Variants in ZFAND3 observed in about 807,000 individuals in gnomAD.
ZFAND3 encodes the protein zinc finger AN1-type containing 3.
Under a neutral mutation model 29.6 loss-of-function variants are expected in ZFAND3, and 10 were observed. The observed-to-expected ratio is 0.34, with a 90% CI of 0.21 to 0.57. The LOEUF (loss-of-function observed/expected upper bound fraction) is 0.57, where lower values mean the gene tolerates loss of function less well. ZFAND3 is among the 20% of genes least tolerant of loss of function. The pLI, the probability that ZFAND3 is intolerant of heterozygous loss-of-function variation, is 0.86. For missense variants in ZFAND3, 230 were observed against 304.5 expected (o/e 0.76, Z 1.82); for synonymous variants, 128 against 112.6 (o/e 1.14, Z -0.87).
At chr6:37,975,222 A>G (rs954749721) in intron 2 of ZFAND3, among the ~76,000 whole-genome samples, 1 of 152,124 alleles carries the variant, frequency 6.6e-6, no homozygotes, top group Non-Finnish European at 1.5e-5. Context: ...TACAATTTGC[A>G]TTTCTCTAAT....
chr6:38,139,832 T>C (rs6941852), intron 5 of ZFAND3, among the ~76,000 whole-genome samples: 4,939 of 152,104 alleles, frequency 0.032, 217 homozygotes, highest in African/African-American at 0.095. Context: ...CTGGCTGCTC[T>C]GAGGAAGGTG....
chr6:37,860,351 A>G (rs1431038890), intron 1 of ZFAND3, among the ~76,000 whole-genome samples: 2 of 152,104 alleles, frequency 1.3e-5, no homozygotes, highest in Non-Finnish European at 1.5e-5. Context: ...AGTTTGACTT[A>G]AAAAGAAATT....
intron 1 of ZFAND3, among the ~76,000 whole-genome samples, chr6:37,908,408 T>C (rs1213664843): frequency 5.9e-5 from 9 of 151,914 alleles, no homozygotes; most frequent in Admixed American, 2.6e-4. Context: ...TCTCCCCTTG[T>C]GTAGAAAAGT....
At chr6:38,085,229 C>T (rs560703224) in intron 4 of ZFAND3, among the ~76,000 whole-genome samples, 124 of 152,296 alleles carry the variant, frequency 8.1e-4, no homozygotes, top group African/African-American at 2.8e-3. Context: ...GTGAGGTAGT[C>T]TCCCAGACAG....
intron 4 of ZFAND3, among the ~76,000 whole-genome samples, chr6:38,108,567 G>C (rs1765253415): frequency 1.3e-5 from 2 of 152,208 alleles, no homozygotes; most frequent in Non-Finnish European, 1.5e-5. Flanking sequence ...AGGGCAGGAG[G>C]AGCAGAAGCA....
At chr6:37,907,005 C>A (rs544665811) in intron 1 of ZFAND3, among the ~76,000 whole-genome samples, 1 of 151,934 alleles carries the variant, frequency 6.6e-6, no homozygotes, top group Non-Finnish European at 1.5e-5. Context: ...AAGGACTGGA[C>A]TTCATTACTT....
intron 1 of ZFAND3, among the ~76,000 whole-genome samples, chr6:37,874,351 A>G (rs1175731571): frequency 1.3e-5 from 2 of 152,078 alleles, no homozygotes; most frequent in Non-Finnish European, 2.9e-5. Context: ...CCTCGCGTCT[A>G]TTAAAACTAC....
intron 4 of ZFAND3, among the ~76,000 whole-genome samples, chr6:38,111,868 C>T (rs1379119286): frequency 1.3e-5 from 2 of 152,018 alleles, no homozygotes; most frequent in Non-Finnish European, 2.9e-5. Flanking sequence ...CAGCTGTATA[C>T]GGGAGGATGT....
At chr6:37,824,378 T>C (rs1490196398) in intron 1 of ZFAND3, among the ~76,000 whole-genome samples, 1 of 152,044 alleles carries the variant, frequency 6.6e-6, no homozygotes, top group East Asian at 1.9e-4. Flanking sequence ...TGTAGATTCT[T>C]CACAAATGTG....
chr6:37,844,890 G>A (rs1408901340), intron 1 of ZFAND3, among the ~76,000 whole-genome samples: 3 of 151,506 alleles, frequency 2.0e-5, no homozygotes, highest in African/African-American at 7.3e-5. Context: ...CAGGCGTTGT[G>A]GCGGGCGCCT....
intron 1 of ZFAND3, among the ~76,000 whole-genome samples, chr6:37,873,071 A>G (rs967709768): frequency 6.6e-6 from 1 of 152,170 alleles, no homozygotes; most frequent in Non-Finnish European, 1.5e-5. Context: ...ATCTTGGCTA[A>G]CACGGTGAAA....
rs70981523 is a variant in ZFAND3 at position 38,120,320 on chromosome 6, C to CTTTTTTTTTTTTTTT, written c.529+3597_529+3611dup. Among the ~76,000 whole-genome samples the CTTTTTTTTTTTTTTT allele has an allele frequency of 1.4e-3, 85 of 60,728 alleles. 13 individuals carry two copies. Among genetic ancestry groups the CTTTTTTTTTTTTTTT allele is most frequent in the Admixed American group, 1.9e-3 (8 of 4,150 alleles). The allele number at this position is 60,728 out of a possible 152,430, so 39.8% of individuals were successfully genotyped here. Reference sequence around the variant, plus strand: ...TGATTGATACACGTAGCTTGGCTTCCTTTTTTTTTTTTTTTTTTTTTTTTT... The same window carrying CTTTTTTTTTTTTTTT: ...TGATTGATACACGTAGCTTGGCTTCCTTTTTTTTTTTTTTTTTTTTTTTTTTTTTTTTTTTTTTTT... On this transcript the variant is annotated intron_variant, in intron 5 of 5. Coordinates refer to ENST00000287218, the MANE Select transcript of ZFAND3 (RefSeq NM_021943.3).
At chr6:37,989,257 G>A (rs1249317680) in intron 2 of ZFAND3, among the ~76,000 whole-genome samples, 1 of 152,190 alleles carries the variant, frequency 6.6e-6, no homozygotes, top group East Asian at 1.9e-4. Flanking sequence ...TAGGGATATA[G>A]CAGAAAATAA....
intron 4 of ZFAND3, among the ~76,000 whole-genome samples, chr6:38,103,498 T>TATATATATACACGTGTATATATACAC (rs146673248): frequency 3.6e-5 from 1 of 27,606 alleles, no homozygotes; most frequent in Non-Finnish European, 1.0e-4. Flanking sequence ...TATACACGTG[T>TATATATATACACGTGTATATATACAC]ATATATATAC....
At chr6:38,077,949 G>C (rs1343580313) in intron 3 of ZFAND3, among the ~76,000 whole-genome samples, 2 of 152,164 alleles carry the variant, frequency 1.3e-5, no homozygotes, top group Non-Finnish European at 2.9e-5. Context: ...CTCTATAGGA[G>C]ACTGGAAAAA....
At chr6:38,079,992 C>A (rs1250265576) in intron 3 of ZFAND3, among the ~76,000 whole-genome samples, 2 of 151,152 alleles carry the variant, frequency 1.3e-5, no homozygotes, top group Non-Finnish European at 2.9e-5. Context: ...CATTTAAGTT[C>A]TATACACATC....
intron 4 of ZFAND3, 135 bp downstream of exon 4, chr6:38,082,592 T>C (rs112807802): frequency 1.1e-5 from 8 of 750,572 alleles, no homozygotes; most frequent in African/African-American, 3.5e-5. Flanking sequence ...GTGCTTAGTA[T>C]TCACGGCGGA....
intron 1 of ZFAND3, among the ~76,000 whole-genome samples, chr6:37,847,559 TGA>T (rs2127377565): frequency 6.6e-6 from 1 of 152,088 alleles, no homozygotes; most frequent in South Asian, 2.1e-4. Context: ...GGCGACAGAG[TGA>T]GACTCTGCAG....
chr6:37,878,155 C>G (rs1045104321), intron 1 of ZFAND3, among the ~76,000 whole-genome samples: 6 of 152,160 alleles, frequency 3.9e-5, no homozygotes, highest in African/African-American at 1.4e-4. Flanking sequence ...AAAGTATGAT[C>G]CGATCCAATC....
Sources: allele counts gnomAD v4.1 joint callset (sites outside exome capture counted in the v4.1 genomes callset), GRCh38; gene constraint gnomAD v4.1.1; transcripts MANE v1.5; gene names NCBI Gene and HGNC (gene_info 2026-07-23, HGNC 2026-07-21).